The following CNTNAP2 variants were observed in gnomAD, a reference collection of about 807,000 sequenced individuals.
CNTNAP2 encodes contactin associated protein 2.
Under a neutral mutation model 155.2 loss-of-function variants are expected in CNTNAP2, and 98 were observed. The observed-to-expected ratio is 0.63, with a 90% CI of 0.54 to 0.75. CNTNAP2 has a LOEUF of 0.75. CNTNAP2 is among the 30% of genes least tolerant of loss of function. The pLI, the probability that CNTNAP2 is intolerant of heterozygous loss-of-function variation, is 0.00. For missense variants in CNTNAP2, 1,727 were observed against 1,688.1 expected, an observed-to-expected ratio of 1.02 and a Z score of -0.40; for synonymous variants, 651 against 631.2, an observed-to-expected ratio of 1.03 and a Z score of -0.47.
At chr7:146,507,945 G>A (rs1797408941) in intron 1 of CNTNAP2, among the ~76,000 whole-genome samples, 1 of 152,022 alleles carries the variant, frequency 6.6e-6, no homozygotes, top group Non-Finnish European at 1.5e-5. Flanking sequence ...AGAATGTATG[G>A]GCCAAGTCCA....
intron 10 of CNTNAP2, among the ~76,000 whole-genome samples, chr7:147,443,299 G>A (rs998346531): frequency 1.1e-4 from 16 of 152,096 alleles, no homozygotes; most frequent in African/African-American, 3.6e-4. Context: ...TGCTATAACA[G>A]GACACCACTG....
At chr7:148,327,352 T>C (rs774910840) in intron 21 of CNTNAP2, among the ~76,000 whole-genome samples, 15 of 152,228 alleles carry the variant, frequency 9.9e-5, no homozygotes, top group Non-Finnish European at 2.1e-4. Context: ...TCAGCTCAAG[T>C]GCTGGACGAC....
chr7:146,138,930 T>A (rs1334102354), intron 1 of CNTNAP2, among the ~76,000 whole-genome samples: 1 of 152,080 alleles, frequency 6.6e-6, no homozygotes, highest in African/African-American at 2.4e-5. Flanking sequence ...CAGTTTGCAA[T>A]TGGGTCCCTA....
intron 2 of CNTNAP2, among the ~76,000 whole-genome samples, chr7:146,781,567 C>T (rs1176641970): frequency 6.6e-6 from 1 of 152,148 alleles, no homozygotes; most frequent in African/African-American, 2.4e-5. Context: ...CTAGCTCACA[C>T]TTACATACAC....
chr7:146,832,919 C>T (rs1803541868), intron 2 of CNTNAP2, among the ~76,000 whole-genome samples: 1 of 151,970 alleles, frequency 6.6e-6, no homozygotes, highest in Admixed American at 6.6e-5. Context: ...TGATCTCGAA[C>T]TCTTGACCTC....
chr7:148,033,446 T>C (rs1471719125), intron 15 of CNTNAP2, among the ~76,000 whole-genome samples: 1 of 151,812 alleles, frequency 6.6e-6, no homozygotes, highest in Non-Finnish European at 1.5e-5. Context: ...CTGCACCTAT[T>C]GACCCATCCT....
chr7:147,922,680 G>A (rs2539000), intron 14 of CNTNAP2, among the ~76,000 whole-genome samples: 101,013 of 152,122 alleles, frequency 0.66, 34,987 homozygotes, highest in African/African-American at 0.84. Flanking sequence ...TACTCATAAC[G>A]TTTCTTGTGG....
intron 1 of CNTNAP2, among the ~76,000 whole-genome samples, chr7:146,765,442 CA>C (rs1356100313): frequency 6.6e-6 from 1 of 152,150 alleles, no homozygotes. Flanking sequence ...GAATACATCT[CA>C]ATAGTCAAAA....
At chr7:147,300,334 A>G (rs1185720223) in intron 9 of CNTNAP2, 44 bp downstream of exon 9, 1 of 1,609,450 alleles carries the variant, frequency 6.2e-7, no homozygotes, top group Non-Finnish European at 8.5e-7. Flanking sequence ...ATTGCAAAAA[A>G]TGAGGTTTCA....
rs572688685 is a variant in CNTNAP2 at position 146,558,639 on chromosome 7, T to A, written c.98-215632T>A. On this transcript the variant is annotated intron_variant, in intron 1 of 23. Coordinates refer to ENST00000361727, the MANE Select transcript of CNTNAP2 (RefSeq NM_014141.6). ...AACATTTAATATAAGAGGTACATTCTTAGCAAATTTTTAAGCACACAGCAC... is the reference window on the plus strand; with the variant it reads ...AACATTTAATATAAGAGGTACATTCATAGCAAATTTTTAAGCACACAGCAC... Among the ~76,000 whole-genome samples, 6 of 152,288 alleles carry A rather than the reference T, an allele frequency of 3.9e-5. No individual in the cohort carries two copies. The East Asian group carries it at 1.2e-3, about 29-fold the overall frequency.
intron 3 of CNTNAP2, among the ~76,000 whole-genome samples, chr7:147,035,968 A>T (rs1219767435): frequency 6.6e-6 from 1 of 152,192 alleles, no homozygotes; most frequent in Non-Finnish European, 1.5e-5. Flanking sequence ...TGATTACAAA[A>T]TACTTTTCCA....
chr7:146,658,402 G>A (rs953318552), intron 1 of CNTNAP2, among the ~76,000 whole-genome samples: 1 of 149,228 alleles, frequency 6.7e-6, no homozygotes, highest in Non-Finnish European at 1.5e-5. Context: ...AAAAAAATAC[G>A]AAGTTTGCAT....
chr7:146,216,271 C>T (rs1305921461), intron 1 of CNTNAP2, among the ~76,000 whole-genome samples: 1 of 152,104 alleles, frequency 6.6e-6, no homozygotes, highest in Admixed American at 6.5e-5. Context: ...ATGAGGTGAT[C>T]AAGGTGGGAG....
At chr7:148,096,065 A>T (rs1478288641) in intron 15 of CNTNAP2, among the ~76,000 whole-genome samples, 1 of 152,214 alleles carries the variant, frequency 6.6e-6, no homozygotes, top group Non-Finnish European at 1.5e-5. Context: ...GTACTTTCCA[A>T]TTTATACTTT....
At chr7:146,994,523 G>A (rs1048422655) in intron 3 of CNTNAP2, among the ~76,000 whole-genome samples, 28 of 152,052 alleles carry the variant, frequency 1.8e-4, no homozygotes, top group Non-Finnish European at 5.9e-5. Context: ...ACACTTTGCA[G>A]CAAATTTGCG....
At chr7:146,462,590 G>A (rs1050969762) in intron 1 of CNTNAP2, among the ~76,000 whole-genome samples, 3 of 152,116 alleles carry the variant, frequency 2.0e-5, no homozygotes, top group African/African-American at 7.2e-5. Context: ...CACTCCATTA[G>A]TACGTTTTGT....
At chr7:146,745,517 C>T (rs940211631) in intron 1 of CNTNAP2, among the ~76,000 whole-genome samples, 4 of 151,862 alleles carry the variant, frequency 2.6e-5, no homozygotes, top group African/African-American at 7.3e-5. Flanking sequence ...CGCGGTAATC[C>T]CAGCACTTTG....
intron 3 of CNTNAP2, among the ~76,000 whole-genome samples, chr7:146,871,350 A>T (rs1585131181): frequency 6.6e-6 from 1 of 151,878 alleles, no homozygotes; most frequent in Admixed American, 6.6e-5. Flanking sequence ...GGCTAAAATG[A>T]TGAAACCCCA....
intron 1 of CNTNAP2, among the ~76,000 whole-genome samples, chr7:146,317,923 C>T (rs942456979): frequency 6.6e-6 from 1 of 152,130 alleles, no homozygotes. Flanking sequence ...GGGCGGATCA[C>T]GAGGTCAGGA....
Sources: allele counts gnomAD v4.1 joint callset (sites outside exome capture counted in the v4.1 genomes callset), GRCh38; gene constraint gnomAD v4.1.1; transcripts MANE v1.5; gene names NCBI Gene and HGNC (gene_info 2026-07-23, HGNC 2026-07-21).